OTUD7B: variants seen among roughly 807,000 people sequenced by gnomAD.
OTUD7B encodes OTU domain-containing protein 7B.
OTUD7B carries 34 observed loss-of-function variants against 82.2 expected under a neutral mutation model. That is an observed-to-expected ratio of 0.41 (90% CI 0.31 to 0.55). The LOEUF (loss-of-function observed/expected upper bound fraction) is 0.55, where lower values mean the gene tolerates loss of function less well. Ranked by LOEUF, OTUD7B falls within the 20% of genes least tolerant of loss-of-function variation. The pLI, the probability that OTUD7B is intolerant of heterozygous loss-of-function variation, is 0.20. For missense variants in OTUD7B, 944 were observed against 1,062.1 expected, an observed-to-expected ratio of 0.89 and a Z score of 1.55; for synonymous variants, 398 against 402.7, an observed-to-expected ratio of 0.99 and a Z score of 0.14.
intron 2 of OTUD7B, among the ~76,000 whole-genome samples, chr1:149,973,489 GTTA>G (rs1559847385): frequency 2.6e-5 from 4 of 151,544 alleles, no homozygotes; most frequent in Non-Finnish European, 5.9e-5. Flanking sequence ...TGTTGTTGTT[GTTA>G]TTGTTGTTTT....
the OTUD7B span, among the ~76,000 whole-genome samples, chr1:150,041,676 T>C: frequency 6.6e-6 from 1 of 152,220 alleles, no homozygotes; most frequent in East Asian, 1.9e-4. Flanking sequence ...CATCTTTCTT[T>C]TTTTAATCAG....
At chr1:149,949,865 C>A in intron 8 of OTUD7B, 87 bp from the exon 9 acceptor site, 1 of 1,419,000 alleles carries the variant, frequency 7.0e-7, no homozygotes, top group South Asian at 1.3e-5. Flanking sequence ...CTGAGTCCCT[C>A]CCTGCTTTCA....
At chr1:149,974,870 T>TA (rs1298919608) in intron 2 of OTUD7B, among the ~76,000 whole-genome samples, 2 of 151,154 alleles carry the variant, frequency 1.3e-5, no homozygotes, top group Non-Finnish European at 2.9e-5. Context: ...TCTTTCTTTT[T>TA]TTTTTAAGAG....
At chr1:150,045,250 A>G in the OTUD7B span, among the ~76,000 whole-genome samples, 104 of 151,730 alleles carry the variant, frequency 6.9e-4, no homozygotes, top group Non-Finnish European at 1.2e-3. Context: ...TGCCACCGTG[A>G]CCGGCTAATT....
intron 1 of OTUD7B, among the ~76,000 whole-genome samples, chr1:149,988,093 G>A (rs1571700472): frequency 6.6e-6 from 1 of 151,886 alleles, no homozygotes; most frequent in East Asian, 1.9e-4. Context: ...GGAAGGAAAT[G>A]TTTACATATC....
At chr1:150,009,303 G>A (rs1375488602) in intron 1 of OTUD7B, among the ~76,000 whole-genome samples, 1 of 152,036 alleles carries the variant, frequency 6.6e-6, no homozygotes, top group African/African-American at 2.4e-5. Context: ...ATATTTAGGG[G>A]TTAGCAACTC....
chr1:149,971,890 T>C (rs966734100), intron 2 of OTUD7B, among the ~76,000 whole-genome samples: 2 of 152,250 alleles, frequency 1.3e-5, no homozygotes, highest in African/African-American at 4.8e-5. Flanking sequence ...ATATGCATTG[T>C]ATAATTGCTC....
the OTUD7B span, among the ~76,000 whole-genome samples, chr1:150,026,880 C>T: frequency 6.6e-6 from 1 of 152,258 alleles, no homozygotes; most frequent in Admixed American, 6.5e-5. Context: ...ACTGCTTAAG[C>T]TCATTCCATC....
chr1:149,971,151 G>A lies in OTUD7B; in HGVS notation c.186C>T (p.Gly62=). 2 of 1,613,820 alleles carry A rather than the reference G, an allele frequency of 1.2e-6. No homozygotes were observed. Among genetic ancestry groups the A allele is most frequent in the African/African-American group, 1.3e-5 (1 of 75,004 alleles). ...LPPSFSEGSG[G]SRTPEKGFSD... is the part of the protein sequence containing the mutation. ...AAAACCCTTTTTCAGGGGTCCTGGA[G>A]CCACCACTCCCCTCACTAAAGGATG... Residue 62 remains glycine (G), a synonymous_variant, in exon 3 of 12, where the codon GGC becomes GGT. Coordinates refer to ENST00000581312, the MANE Select transcript of OTUD7B (RefSeq NM_020205.4).
intron 1 of OTUD7B, among the ~76,000 whole-genome samples, chr1:149,978,050 C>T (rs1231376812): frequency 6.6e-6 from 1 of 152,220 alleles, no homozygotes; most frequent in African/African-American, 2.4e-5. Flanking sequence ...GTCTCCTTCA[C>T]TAATGTATCC....
the OTUD7B span, among the ~76,000 whole-genome samples, chr1:150,018,125 A>G: frequency 6.6e-6 from 1 of 152,208 alleles, no homozygotes; most frequent in Non-Finnish European, 1.5e-5. Context: ...TACGTAGGTA[A>G]CCTTCCTAGT....
the OTUD7B span, among the ~76,000 whole-genome samples, chr1:150,065,301 T>C: frequency 6.6e-6 from 1 of 152,204 alleles, no homozygotes; most frequent in African/African-American, 2.4e-5. Context: ...CTTGAACTTC[T>C]GGACTCAAAC....
At chr1:149,966,714 TA>T (rs1231107310) in intron 4 of OTUD7B, among the ~76,000 whole-genome samples, 7 of 151,252 alleles carry the variant, frequency 4.6e-5, no homozygotes, top group Admixed American at 2.6e-4. Flanking sequence ...TTTACCAACT[TA>T]AAAAAAAATT....
intron 1 of OTUD7B, among the ~76,000 whole-genome samples, chr1:149,998,304 C>A (rs1400770947): frequency 6.6e-6 from 1 of 152,148 alleles, no homozygotes; most frequent in Non-Finnish European, 1.5e-5. Flanking sequence ...TCCTAAAATA[C>A]TAATTCATAC....
chr1:149,959,338 T>C (rs1301764427), intron 7 of OTUD7B, among the ~76,000 whole-genome samples: 1 of 152,154 alleles, frequency 6.6e-6, no homozygotes, highest in African/African-American at 2.4e-5. Context: ...AGTGCTGAGA[T>C]TACAGGTGTG....
At chr1:150,038,882 T>C in the OTUD7B span, among the ~76,000 whole-genome samples, 1 of 152,212 alleles carries the variant, frequency 6.6e-6, no homozygotes, top group Non-Finnish European at 1.5e-5. Flanking sequence ...TCTATAATTC[T>C]TTCTGTGTAG....
At chr1:150,019,598 C>T in the OTUD7B span, among the ~76,000 whole-genome samples, 2 of 152,162 alleles carry the variant, frequency 1.3e-5, no homozygotes, top group Non-Finnish European at 2.9e-5. Context: ...AACTCCTGAA[C>T]TCGGTGATCC....
intron 2 of OTUD7B, among the ~76,000 whole-genome samples, chr1:149,972,166 G>A (rs1037455506): frequency 2.0e-5 from 3 of 152,090 alleles, no homozygotes; most frequent in Non-Finnish European, 2.9e-5. Flanking sequence ...TTCCTTATCC[G>A]TGAAAATGCA....
At chr1:150,049,925 C>T in the OTUD7B span, among the ~76,000 whole-genome samples, 1 of 152,036 alleles carries the variant, frequency 6.6e-6, no homozygotes, top group Admixed American at 6.6e-5. Flanking sequence ...ATATGTTGTA[C>T]ATGAGGCCAG....
Sources: allele counts gnomAD v4.1 joint callset (sites outside exome capture counted in the v4.1 genomes callset), GRCh38; gene constraint gnomAD v4.1.1; transcripts MANE v1.5; gene names NCBI Gene and HGNC (gene_info 2026-07-23, HGNC 2026-07-21).